TLN2: variants seen among roughly 807,000 people sequenced by gnomAD.
TLN2 encodes talin 2, also known as talin-2.
In TLN2, 118 loss-of-function variants were observed where a neutral mutation model predicts 294.7. The ratio of observed to expected loss-of-function variants is 0.40; its 90% CI spans 0.34 to 0.47. The LOEUF (loss-of-function observed/expected upper bound fraction) is 0.47. TLN2 is among the 20% of genes least tolerant of loss of function. TLN2 has a pLI of 0.84. For missense variants in TLN2, 3,083 were observed against 3,282.2 expected, an observed-to-expected ratio of 0.94 and a Z score of 1.48; for synonymous variants, 1,431 against 1,304.5, an observed-to-expected ratio of 1.10 and a Z score of -2.09.
chr15:62,778,373 A>G (rs2063868258), intron 43 of TLN2, among the ~76,000 whole-genome samples: 1 of 152,262 alleles, frequency 6.6e-6, no homozygotes, highest in Admixed American at 6.5e-5. Context: ...TCAGGACATC[A>G]GAACACCAGA....
chr15:62,626,732 A>G (rs6494329), intron 3 of TLN2, among the ~76,000 whole-genome samples: 143,156 of 152,240 alleles, frequency 0.94, 67,350 homozygotes, highest in East Asian at 1. Flanking sequence ...TTGTCCAAGG[A>G]CACACAGCTC....
intron 1 of TLN2, among the ~76,000 whole-genome samples, chr15:62,469,892 T>C (rs779064658): frequency 6.6e-6 from 1 of 152,162 alleles, no homozygotes; most frequent in Non-Finnish European, 1.5e-5. Context: ...TTGCCATCTT[T>C]CCTGAGCTCA....
At chr15:62,585,403 A>C (rs1293478396) in intron 1 of TLN2, among the ~76,000 whole-genome samples, 1 of 152,196 alleles carries the variant, frequency 6.6e-6, no homozygotes, top group African/African-American at 2.4e-5. Flanking sequence ...TCCTCACAAC[A>C]GTCAAAATAG....
intron 40 of TLN2, 38 bp from the exon 41 acceptor site, chr15:62,766,283 C>A: frequency 6.4e-7 from 1 of 1,567,018 alleles, no homozygotes; most frequent in Non-Finnish European, 8.8e-7. Context: ...CTGTGGGGAG[C>A]TGTTATGGGA....
At chr15:62,570,733 AG>A (rs1340453337) in intron 1 of TLN2, among the ~76,000 whole-genome samples, 1 of 152,232 alleles carries the variant, frequency 6.6e-6, no homozygotes, top group Non-Finnish European at 1.5e-5. Context: ...CCACTATGCC[AG>A]TAGCACTCGG....
intron 5 of TLN2, among the ~76,000 whole-genome samples, chr15:62,651,354 T>A (rs2052565248): frequency 6.6e-6 from 1 of 152,134 alleles, no homozygotes; most frequent in African/African-American, 2.4e-5. Context: ...TATTTAGCAC[T>A]GGAGAAAAAA....
intron 26 of TLN2, 123 bp downstream of exon 26, chr15:62,722,610 G>A (rs2060213888): frequency 3.3e-6 from 4 of 1,225,392 alleles, no homozygotes; most frequent in Non-Finnish European, 3.2e-6. Context: ...CTACTTGCAT[G>A]ACTATTAAAG....
intron 4 of TLN2, among the ~76,000 whole-genome samples, chr15:62,648,391 C>T (rs144402932): frequency 0.039 from 4,457 of 113,174 alleles, 257 homozygotes; most frequent in African/African-American, 0.14. Context: ...GGCGATGAAG[C>T]GAGACCCTGA....
At chr15:62,729,468 A>G (rs892760748) in intron 28 of TLN2, among the ~76,000 whole-genome samples, 4 of 151,990 alleles carry the variant, frequency 2.6e-5, no homozygotes, top group Non-Finnish European at 5.9e-5. Flanking sequence ...ACTTCTTTAT[A>G]TCATTGAGTC....
chr15:62,839,437 T>C (rs933769348), intron 58 of TLN2, among the ~76,000 whole-genome samples: 4 of 152,200 alleles, frequency 2.6e-5, no homozygotes, highest in Non-Finnish European at 4.4e-5. Flanking sequence ...GACAGCAACA[T>C]TATTTAAATA....
intron 55 of TLN2, chr15:62,835,333 C>T (rs933822973): frequency 3.3e-5 from 7 of 214,130 alleles, no homozygotes; most frequent in East Asian, 1.1e-4. Flanking sequence ...GGTCAGTAAT[C>T]GGGAGAGATT....
chr15:62,654,788 A>T (rs2053017544), intron 7 of TLN2, among the ~76,000 whole-genome samples: 1 of 149,026 alleles, frequency 6.7e-6, no homozygotes, highest in African/African-American at 2.5e-5. Flanking sequence ...AAAAAGTAAC[A>T]GAATTCTGTT....
intron 3 of TLN2, among the ~76,000 whole-genome samples, chr15:62,639,550 C>T (rs576977500): frequency 6.6e-6 from 1 of 152,218 alleles, no homozygotes; most frequent in Admixed American, 6.5e-5. Context: ...GGGATTCTTA[C>T]ATAAATGTTC....
chr15:62,726,089 C>G (rs1595799961), intron 27 of TLN2, among the ~76,000 whole-genome samples: 1 of 137,332 alleles, frequency 7.3e-6, no homozygotes, highest in East Asian at 2.1e-4. Flanking sequence ...GCAAAGTGGT[C>G]CGGAAGTCTC....
At chr15:62,432,335 G>A (rs2035051745) in intron 1 of TLN2, among the ~76,000 whole-genome samples, 1 of 152,154 alleles carries the variant, frequency 6.6e-6, no homozygotes, top group South Asian at 2.1e-4. Context: ...AGTTCGGGAG[G>A]CTGAGAGGTC....
chr15:62,603,996 G>C (rs2047207254), intron 2 of TLN2, among the ~76,000 whole-genome samples: 1 of 152,200 alleles, frequency 6.6e-6, no homozygotes, highest in South Asian at 2.1e-4. Context: ...GCATAGACAA[G>C]TCATAAATGG....
chr15:62,758,871 G>A (rs1382053680), intron 37 of TLN2, among the ~76,000 whole-genome samples: 1 of 152,180 alleles, frequency 6.6e-6, no homozygotes, highest in African/African-American at 2.4e-5. Context: ...CACTTTCCAG[G>A]TGCTGGTTTT....
chr15:62,505,567 C>G (rs553892538), intron 1 of TLN2, among the ~76,000 whole-genome samples: 168 of 152,252 alleles, frequency 1.1e-3, no homozygotes, highest in African/African-American at 4.0e-3. Context: ...CCTTGCACAA[C>G]TCTGTAATTT....
At chr15:62,713,328 C>A (rs2059550851) in intron 22 of TLN2, among the ~76,000 whole-genome samples, 1 of 151,104 alleles carries the variant, frequency 6.6e-6, no homozygotes. Flanking sequence ...CATCTTACCT[C>A]ATCTCCCTGG....
Sources: allele counts gnomAD v4.1 joint callset (sites outside exome capture counted in the v4.1 genomes callset), GRCh38; gene constraint gnomAD v4.1.1; transcripts MANE v1.5; gene names NCBI Gene and HGNC (gene_info 2026-07-23, HGNC 2026-07-21).